The following DROSHA variants were observed in gnomAD, a reference collection of about 807,000 sequenced individuals.
DROSHA encodes ribonuclease 3.
Under a neutral mutation model 181.9 loss-of-function variants are expected in DROSHA, and 56 were observed. That is an observed-to-expected ratio of 0.31 (90% CI 0.25 to 0.38). The LOEUF (loss-of-function observed/expected upper bound fraction) is 0.38. Among genes scored for constraint, DROSHA ranks in the 10% least tolerant of loss-of-function variants. DROSHA has a pLI of 1.00. For missense variants in DROSHA, 1,218 were observed against 1,743.5 expected (o/e 0.70, Z 5.37); for synonymous variants, 524 against 591.2 (o/e 0.89, Z 1.65).
At chr5:31,430,462 C>T (rs1744043111) in intron 26 of DROSHA, among the ~76,000 whole-genome samples, 1 of 152,178 alleles carries the variant, frequency 6.6e-6, no homozygotes, top group African/African-American at 2.4e-5. Context: ...GGATTGGATG[C>T]TGCCAGAATC....
chr5:31,447,948 G>T (rs1440630964), intron 23 of DROSHA, among the ~76,000 whole-genome samples: 1 of 152,180 alleles, frequency 6.6e-6, no homozygotes, highest in Non-Finnish European at 1.5e-5. Flanking sequence ...CAGTCTGGCA[G>T]TTCCTTAAAA....
intron 21 of DROSHA, 131 bp downstream of exon 21, chr5:31,451,402 A>G: frequency 2.7e-6 from 2 of 740,572 alleles, no homozygotes; most frequent in Non-Finnish European, 2.2e-6. Context: ...GGGTAGAGCA[A>G]TGGAGAGAAC....
chr5:31,431,564 G>A lies in DROSHA; in HGVS notation c.3145+12C>T, dbSNP rs371209982. The A allele has an allele frequency of 4.5e-5, 72 of 1,612,850 alleles. No homozygotes were observed. The African/African-American group carries it at 9.2e-4, about 21-fold the overall frequency. On this transcript the variant is annotated intron_variant, in intron 26 of 35. Coordinates refer to ENST00000344624, the MANE Select transcript of DROSHA (RefSeq NM_001382508.1). ...GCAAGAAAGTAGACTTCTTGAAGAA[G>A]AGAGAAATTACCTATTAACGCTTCA...
chr5:31,482,772 A>G (rs1751180282), intron 16 of DROSHA, among the ~76,000 whole-genome samples: 1 of 151,700 alleles, frequency 6.6e-6, no homozygotes, highest in African/African-American at 2.4e-5. Context: ...AAGGAGAAAG[A>G]TTTGCAAACA....
chr5:31,499,082 C>T (rs1006503846), intron 11 of DROSHA, among the ~76,000 whole-genome samples: 1 of 152,138 alleles, frequency 6.6e-6, no homozygotes, highest in Non-Finnish European at 1.5e-5. Flanking sequence ...AGATCTCCAT[C>T]CTCTGACCTC....
chr5:31,404,775 A>G (rs1740449575), intron 35 of DROSHA, among the ~76,000 whole-genome samples: 1 of 152,148 alleles, frequency 6.6e-6, no homozygotes, highest in Non-Finnish European at 1.5e-5. Flanking sequence ...ACTAAAAAGC[A>G]CCAATATATA....
intron 12 of DROSHA, 43 bp downstream of exon 12, chr5:31,495,243 T>G: frequency 6.3e-7 from 1 of 1,576,266 alleles, no homozygotes; most frequent in Non-Finnish European, 8.7e-7. Context: ...TTTTACTCTA[T>G]TTACATTTTA....
At chr5:31,461,508 G>A (rs1159871598) in intron 20 of DROSHA, among the ~76,000 whole-genome samples, 2 of 152,168 alleles carry the variant, frequency 1.3e-5, no homozygotes, top group Non-Finnish European at 2.9e-5. Flanking sequence ...AAAGCTCAGT[G>A]AGAAGAGTCA....
intron 19 of DROSHA, among the ~76,000 whole-genome samples, chr5:31,464,659 T>C (rs960206037): frequency 1.3e-5 from 2 of 151,338 alleles, no homozygotes; most frequent in African/African-American, 4.9e-5. Flanking sequence ...GGATTTGAAA[T>C]GAGCATGTAA....
At chr5:31,496,248 G>A (rs939511047) in intron 11 of DROSHA, among the ~76,000 whole-genome samples, 1 of 152,122 alleles carries the variant, frequency 6.6e-6, no homozygotes, top group South Asian at 2.1e-4. Flanking sequence ...ACCAGCCTGG[G>A]CAACAAGGCA....
rs531325468 is a variant in DROSHA, at chr5:31,451,656, T to A, written c.2575-16A>T. 26 of 1,551,666 alleles carry A rather than the reference T, an allele frequency of 1.7e-5. No individual in the cohort carries two copies. The African/African-American group carries it at 3.4e-4, about 20-fold the overall frequency. ...TCATTGCATGCTAGGAAAAAAAAAA[T>A]TCAATATGTTTAACTTTATAAAAAC... is the stretch of plus-strand genomic sequence containing the variant. On this transcript the variant is annotated splice_polypyrimidine_tract_variant and intron_variant, in intron 20 of 35. Coordinates refer to ENST00000344624, the MANE Select transcript of DROSHA (RefSeq NM_001382508.1).
At chr5:31,431,703 G>C (rs367877180) in intron 25 of DROSHA, 25 bp from the exon 26 acceptor site, 32 of 1,611,372 alleles carry the variant, frequency 2.0e-5, no homozygotes, top group Non-Finnish European at 2.6e-5. Context: ...ATGACAAAAC[G>C]TAAGAAAGAG....
intron 6 of DROSHA, among the ~76,000 whole-genome samples, chr5:31,516,362 T>G (rs1739271701): frequency 6.6e-6 from 1 of 152,216 alleles, no homozygotes; most frequent in South Asian, 2.1e-4. Flanking sequence ...AAAACTGCTT[T>G]GTAAGATCAC....
At chr5:31,479,190 A>G (rs1374916614) in intron 16 of DROSHA, among the ~76,000 whole-genome samples, 1 of 152,236 alleles carries the variant, frequency 6.6e-6, no homozygotes, top group African/African-American at 2.4e-5. Flanking sequence ...GAAAAAAAGC[A>G]TAATTCTCCT....
At position 31,495,482 on chromosome 5, in the gene DROSHA, T is replaced by A. The variant is rs1752876937; in HGVS notation, c.1669-110A>T. Reference sequence around the variant, plus strand: ...TCTAACAAAACAGGTTTTATGTCTGTTCCTTCACAGACTGGTAGGAAAGAA... The same window carrying A: ...TCTAACAAAACAGGTTTTATGTCTGATCCTTCACAGACTGGTAGGAAAGAA... On this transcript the variant is annotated intron_variant, in intron 11 of 35. Transcript: ENST00000344624. 5.0e-5 allele frequency: 49 copies of A among 988,534 alleles called. No homozygotes were observed. The South Asian group carries it at 7.8e-4, about 16-fold the overall frequency. 61.2% of individuals were successfully genotyped at this position (988,534 alleles called of 1,614,324 possible).
chr5:31,431,767 G>T, intron 25 of DROSHA, 89 bp from the exon 26 acceptor site: 1 of 1,228,604 alleles, frequency 8.1e-7, no homozygotes, highest in Non-Finnish European at 1.2e-6. Flanking sequence ...GAGTTGGTGC[G>T]GAGACGAGAT....
At chr5:31,437,367 C>T in intron 23 of DROSHA, 69 bp from the exon 24 acceptor site, 1 of 1,176,604 alleles carries the variant, frequency 8.5e-7, no homozygotes, top group Non-Finnish European at 1.1e-6. Context: ...CCCACCCCCG[C>T]AAGAAAAGAA....
chr5:31,416,750 G>A (rs1741999593), intron 30 of DROSHA, among the ~76,000 whole-genome samples: 1 of 152,198 alleles, frequency 6.6e-6, no homozygotes, highest in African/African-American at 2.4e-5. Context: ...GGTGCAGAGT[G>A]AGAACAAGAG....
intron 34 of DROSHA, 102 bp downstream of exon 34, chr5:31,406,751 C>T: frequency 8.5e-6 from 9 of 1,055,272 alleles, no homozygotes; most frequent in Non-Finnish European, 1.3e-5. Context: ...ATTTTATTCT[C>T]TGAGTTAAAA....
Sources: allele counts gnomAD v4.1 joint callset (sites outside exome capture counted in the v4.1 genomes callset), GRCh38; gene constraint gnomAD v4.1.1; transcripts MANE v1.5; gene names NCBI Gene and HGNC (gene_info 2026-07-23, HGNC 2026-07-21).